PFKP: variants seen among roughly 807,000 people sequenced by gnomAD.
PFKP encodes phosphofructokinase, platelet, also known as ATP-dependent 6-phosphofructokinase, platelet type.
PFKP carries 101 observed loss-of-function variants against 94.3 expected under a neutral mutation model. That is an observed-to-expected ratio of 1.07 (90% CI 0.91 to 1.26). The LOEUF is 1.26. Ranked by LOEUF, PFKP falls within the 50% of genes most tolerant of loss-of-function variation. The pLI is 0.00. For missense variants in PFKP, 1,145 were observed against 1,103.3 expected (o/e 1.04, Z -0.53); for synonymous variants, 573 against 432.6 (o/e 1.32, Z -4.03).
chr10:3,095,507 G>A (rs1039865572), intron 2 of PFKP, among the ~76,000 whole-genome samples: 11 of 152,324 alleles, frequency 7.2e-5, no homozygotes, highest in African/African-American at 2.4e-4. Context: ...GAGCTCTAAG[G>A]TTCATCTTGT....
chr10:3,120,096 G>C, intron 16 of PFKP, 52 bp downstream of exon 16: 1 of 1,560,748 alleles, frequency 6.4e-7, no homozygotes, highest in Non-Finnish European at 8.8e-7. Flanking sequence ...CTAACCCCGG[G>C]GCCCCGGCCC....
chr10:3,136,611 C>G lies in PFKP; in HGVS notation c.*32C>G, dbSNP rs143563000. On this transcript the variant is annotated 3_prime_UTR_variant, in exon 22 of 22. Transcript: ENST00000381125. ...CCCGCCTGCATGTGCCTGCAGCCAC[C>G]GTGGACTGTCTGTTTTTGTAACACT... 75 of 1,606,724 alleles carry G rather than the reference C, an allele frequency of 4.7e-5. No individual in the cohort carries two copies. The highest frequency in any genetic ancestry group is 6.6e-5 in the South Asian group (6 of 90,440).
At position 3,100,862 on chromosome 10, in the gene PFKP, C is replaced by CAAAAAAAAAAAAAAAA. The variant is rs71294492; in HGVS notation, c.265-498_265-483dup. 464 of 657,066 alleles carry CAAAAAAAAAAAAAAAA rather than the reference C, an allele frequency of 7.1e-4. 11 individuals carry two copies. In the African/African-American group the frequency reaches 9.0e-3, roughly 13 times the overall value. The allele number at this position is 657,066 out of a possible 1,614,324, so 40.7% of individuals were successfully genotyped here. Reference sequence around the variant, plus strand: ...TAAAAGGGGCAGCGAGTATGTGGTGCAAAAAAAAAAAAAAAAAAAATCCCC... The same window carrying CAAAAAAAAAAAAAAAA: ...TAAAAGGGGCAGCGAGTATGTGGTGCAAAAAAAAAAAAAAAAAAAAAAAAAAAAAAAAAAAATCCCC... On this transcript the variant is annotated intron_variant, in intron 3 of 21. Transcript: ENST00000381125.
intron 16 of PFKP, among the ~76,000 whole-genome samples, chr10:3,120,316 G>A (rs182145536): frequency 3.3e-5 from 5 of 152,152 alleles, no homozygotes; most frequent in Admixed American, 3.3e-4. Flanking sequence ...CACCCGAGGC[G>A]CTGAGGAGGG....
At chr10:3,112,994 T>C in intron 11 of PFKP, 125 bp from the exon 12 acceptor site, 1 of 833,788 alleles carries the variant, frequency 1.2e-6, no homozygotes, top group Non-Finnish European at 1.9e-6. Flanking sequence ...TGGGGCCTCC[T>C]CCTTCTGCCC....
intron 20 of PFKP, among the ~76,000 whole-genome samples, 190 bp from the exon 21 acceptor site, chr10:3,135,546 C>A (rs750715557): frequency 1.3e-5 from 2 of 152,214 alleles, no homozygotes; most frequent in African/African-American, 2.4e-5. Flanking sequence ...TCGGGGCAGT[C>A]CCACAGGAGC....
Position 3,069,174 on chromosome 10 carries a change from G to T in PFKP, c.112+1467G>T, listed in dbSNP as rs1831986434. 1.2e-5 allele frequency: 14 copies of T among 1,175,904 alleles called. No homozygotes were observed. The South Asian group carries it at 3.9e-4, about 32-fold the overall frequency. The allele number at this position is 1,175,904 out of a possible 1,614,324, so 72.8% of individuals were successfully genotyped here. A position where few individuals can be genotyped will look rare whatever the true frequency, so the allele number is the denominator to read the frequency against. On this transcript the variant is annotated intron_variant, in intron 1 of 21. Coordinates refer to ENST00000381125, the MANE Select transcript of PFKP (RefSeq NM_002627.5). ...CCCCGCGGGAGACCCGGGTGGCAGC[G>T]CCAGGCCCCGCCCCGCAGCCCGCCC...
At chr10:3,076,017 C>CAAAAAAAAA (rs59102828) in intron 1 of PFKP, among the ~76,000 whole-genome samples, 15 of 61,778 alleles carry the variant, frequency 2.4e-4, no homozygotes, top group Admixed American at 3.8e-4. Context: ...GACTCCGTCT[C>CAAAAAAAAA]AAAAAAAAAA....
chr10:3,104,053 G>A, intron 5 of PFKP, 109 bp downstream of exon 5: 1 of 982,932 alleles, frequency 1.0e-6, no homozygotes, highest in South Asian at 1.7e-5. Context: ...TCCTGGTGCT[G>A]GTCTCGTAAC....
chr10:3,077,517 T>C (rs780688990), intron 1 of PFKP, among the ~76,000 whole-genome samples: 11 of 151,852 alleles, frequency 7.2e-5, no homozygotes, highest in Non-Finnish European at 1.3e-4. Context: ...CCGCCCACCT[T>C]GGCCTCCCAA....
At chr10:3,109,514 G>C (rs767668782) in intron 10 of PFKP, 34 bp downstream of exon 10, 1 of 1,593,712 alleles carries the variant, frequency 6.3e-7, no homozygotes, top group South Asian at 1.1e-5. Flanking sequence ...GGGCAGGGCG[G>C]AGACGGCTGG....
rs1214541057 is a variant in PFKP, at chr10:3,103,932, C to A, written c.608C>A (p.Thr203Asn). 6.2e-7 allele frequency: 1 copy of A among 1,613,458 alleles called. No individual in the cohort carries two copies. Among genetic ancestry groups the A allele is most frequent in the African/African-American group, 1.3e-5 (1 of 74,944 alleles). ...RIIEVVDAIM[T>N]TAQSHQRTFV... ...ATCGAGGTCGTCGACGCCATCATGA[C>A]CACGGCCCAGAGGTAAAGCGCTCAG... is the stretch of plus-strand genomic sequence containing the variant. Residue 203 changes from threonine (T) to asparagine (N), a missense_variant, in exon 5 of 22, where the codon ACC (threonine) becomes AAC (asparagine). This residue lies in a region of PFKP where 1,119 missense variants were observed against 1,062.8 expected (regional missense o/e 1.05). Coordinates refer to ENST00000381125, the MANE Select transcript of PFKP (RefSeq NM_002627.5).
chr10:3,126,698 C>G (rs915534398), intron 16 of PFKP, among the ~76,000 whole-genome samples: 1 of 152,262 alleles, frequency 6.6e-6, no homozygotes, highest in Non-Finnish European at 1.5e-5. Context: ...CTTTTTTCTA[C>G]GTTAATGCTG....
intron 2 of PFKP, among the ~76,000 whole-genome samples, chr10:3,087,995 T>C (rs1324791192): frequency 1.3e-5 from 2 of 149,780 alleles, no homozygotes; most frequent in African/African-American, 4.9e-5. Context: ...TTTTTTTTTT[T>C]TTTTTTTTTT....
At chr10:3,122,786 T>C in intron 16 of PFKP, among the ~76,000 whole-genome samples, 1 of 152,158 alleles carries the variant, frequency 6.6e-6, no homozygotes, top group East Asian at 1.9e-4. Flanking sequence ...GTGATTCTCA[T>C]GGGGGCAGGG....
intron 4 of PFKP, among the ~76,000 whole-genome samples, chr10:3,102,226 G>A (rs1835081738): frequency 1.7e-5 from 2 of 121,030 alleles, no homozygotes; most frequent in African/African-American, 3.1e-5. Context: ...ACTCCAGCCT[G>A]GGCGACAGAG....
chr10:3,082,107 A>T (rs1213880358), intron 1 of PFKP, among the ~76,000 whole-genome samples: 1 of 148,874 alleles, frequency 6.7e-6, no homozygotes, highest in African/African-American at 2.5e-5. Flanking sequence ...CCTATTCTGT[A>T]CTTCGTTTTG....
Position 3,108,668 on chromosome 10 carries a change from A to C in PFKP, c.871-33A>C, listed in dbSNP as rs769976745. ...ATCTGGGCTGCTGTGTCCGCATCAC[A>C]GTTCCGCATCCTAACGAGATGTTTC... On this transcript the variant is annotated intron_variant, in intron 8 of 21. Coordinates refer to ENST00000381125, the MANE Select transcript of PFKP (RefSeq NM_002627.5). The C allele has an allele frequency of 3.9e-6, 6 of 1,549,870 alleles. No individual in the cohort carries two copies. The East Asian group carries it at 9.0e-5, about 23-fold the overall frequency.
At chr10:3,067,803 G>A (rs1426753959) in intron 1 of PFKP, 96 bp downstream of exon 1, 1 of 446,396 alleles carries the variant, frequency 2.2e-6, no homozygotes, top group Non-Finnish European at 3.7e-6. Context: ...GAAGAGGGGG[G>A]AAGCGATGGG....
Sources: allele counts gnomAD v4.1 joint callset (sites outside exome capture counted in the v4.1 genomes callset), GRCh38; gene constraint gnomAD v4.1.1; regional missense constraint gnomAD v4.1.1; transcripts MANE v1.5; gene names NCBI Gene and HGNC (gene_info 2026-07-23, HGNC 2026-07-21).